AP3D1: variants seen among roughly 807,000 people sequenced by gnomAD.
AP3D1 encodes adaptor related protein complex 3 subunit delta 1.
Under a neutral mutation model 147.6 loss-of-function variants are expected in AP3D1, and 51 were observed. That is an observed-to-expected ratio of 0.35 (90% confidence interval 0.28 to 0.44). AP3D1 has a LOEUF of 0.44. AP3D1 is among the 20% of genes least tolerant of loss of function. The pLI is 1.00. For missense variants in AP3D1, 1,421 were observed against 1,624.2 expected (o/e 0.87, Z 2.15); for synonymous variants, 760 against 663.0 (o/e 1.15, Z -2.25).
In AP3D1 at chr19:2,111,728, G is replaced by A. The variant is rs1430339151; in HGVS notation, c.2888C>T (p.Ala963Val). The change falls in exon 25 of 32, where the codon GCA becomes GTA. Residue 963 changes from alanine to valine, a missense_variant. Physicochemically the swap from Ala to Val is moderately conservative, Grantham distance 64. Around this residue, in one of 6 missense-constraint regions of AP3D1, gnomAD observed 791 missense variants for 761.4 expected, o/e 1.04. Transcript: ENST00000643116. Reference protein sequence around the residue: ...SKKQPPGSEEAAGEPVQNGAP... With the variant: ...SKKQPPGSEEVAGEPVQNGAP... ...GCCATTCTGCACCGGCTCCCCCGCT[G>A]CCTCCTCGCTGCCTGGAGGCTGCTT... 3 of 1,605,984 alleles carry A rather than the reference G, an allele frequency of 1.9e-6. No individual in the cohort carries two copies. The highest frequency in any genetic ancestry group is 2.2e-5 in the East Asian group (1 of 44,508).
At chr19:2,110,310 T>A in intron 27 of AP3D1, 86 bp from the exon 28 acceptor site, 3 of 1,146,248 alleles carry the variant, frequency 2.6e-6, no homozygotes, top group East Asian at 2.4e-5. Flanking sequence ...CAGTCCCAAG[T>A]CCTCTGTGGC....
At chr19:2,127,512 A>C (rs2018790503) in intron 8 of AP3D1, among the ~76,000 whole-genome samples, 2 of 152,002 alleles carry the variant, frequency 1.3e-5, no homozygotes, top group African/African-American at 4.8e-5. Flanking sequence ...TCTTTTCTAG[A>C]GTTTTTTTTG....
At chr19:2,137,327 TC>T (rs970380906) in intron 3 of AP3D1, among the ~76,000 whole-genome samples, 3 of 151,970 alleles carry the variant, frequency 2.0e-5, no homozygotes, top group African/African-American at 7.3e-5. Context: ...TTTTTTTTTT[TC>T]TTGGAGACAA....
chr19:2,148,146 CAAAAAA>C (rs5826756), intron 1 of AP3D1, among the ~76,000 whole-genome samples: 3 of 98,152 alleles, frequency 3.1e-5, no homozygotes, highest in Admixed American at 1.1e-4. Flanking sequence ...GACTCCGTCT[CAAAAAA>C]AAAAAAAAAA....
chr19:2,110,658 C>A, intron 27 of AP3D1, 49 bp downstream of exon 27: 1 of 1,498,376 alleles, frequency 6.7e-7, no homozygotes. Flanking sequence ...CCAGCTGCCA[C>A]TGCGCTCCCA....
At chr19:2,149,212 G>A (rs1383664979) in intron 1 of AP3D1, among the ~76,000 whole-genome samples, 2 of 152,038 alleles carry the variant, frequency 1.3e-5, no homozygotes, top group African/African-American at 4.8e-5. Flanking sequence ...GGGCCAATGA[G>A]GAAGCCTGGG....
chr19:2,104,306 A>ATGC (rs1198027815), intron 31 of AP3D1, among the ~76,000 whole-genome samples: 2 of 136,558 alleles, frequency 1.5e-5, no homozygotes, highest in African/African-American at 2.6e-5. Flanking sequence ...CAAGACACCA[A>ATGC]CACGCAGACC....
chr19:2,160,185 A>T (rs1359269410), intron 1 of AP3D1, among the ~76,000 whole-genome samples: 1 of 152,196 alleles, frequency 6.6e-6, no homozygotes, highest in African/African-American at 2.4e-5. Flanking sequence ...AACCTGTAAC[A>T]GGAACTATGG....
Position 2,101,557 on chromosome 19 carries a change from T to G in AP3D1, c.*616A>C, listed in dbSNP as rs1480485887. The G allele has an allele frequency of 1.3e-5, 2 of 152,416 alleles. No homozygotes were observed. Among genetic ancestry groups the G allele is most frequent in the African/African-American group, 4.8e-5 (2 of 41,456 alleles). The allele number at this position is 152,416 out of a possible 1,614,324, so 9.4% of individuals were successfully genotyped here. On this transcript the variant is annotated 3_prime_UTR_variant, in exon 32 of 32. Transcript: ENST00000643116. ...CCACGGTTCTGACTGCAACCTCTCTTTGGCGTCCCTGGCCCCGCCCTGCCC... is the reference window on the plus strand; with the variant it reads ...CCACGGTTCTGACTGCAACCTCTCTGTGGCGTCCCTGGCCCCGCCCTGCCC...
rs1012954378 is a variant in AP3D1 at position 2,137,621 on chromosome 19, G to A, written c.273+106C>T. On this transcript the variant is annotated intron_variant, in intron 3 of 31. Coordinates refer to ENST00000643116, the MANE Select transcript of AP3D1 (RefSeq NM_001261826.3). ...CACTGAATCCACCTTGGGTAACAGA[G>A]CTAGACTCTGTCTCAAGAATAATAA... 7 of 1,004,222 alleles carry A rather than the reference G, an allele frequency of 7.0e-6. No individual in the cohort carries two copies. The East Asian group carries it at 9.6e-5, about 14-fold the overall frequency. The allele number at this position is 1,004,222 out of a possible 1,614,324, so 62.2% of individuals were successfully genotyped here. A position where few individuals can be genotyped will look rare whatever the true frequency, so the allele number is the denominator to read the frequency against.
At chr19:2,139,059 C>CAAAAA (rs60728832) in intron 1 of AP3D1, among the ~76,000 whole-genome samples, 2 of 61,654 alleles carry the variant, frequency 3.2e-5, no homozygotes, top group African/African-American at 5.8e-5. Flanking sequence ...GACTCCGTCT[C>CAAAAA]AAAAAAAAAA....
chr19:2,135,397 A>C (rs904113209), intron 4 of AP3D1, among the ~76,000 whole-genome samples: 1 of 151,110 alleles, frequency 6.6e-6, no homozygotes, highest in Admixed American at 6.6e-5. Context: ...TTAGCCAGGC[A>C]TGGTGGCGGG....
intron 31 of AP3D1, among the ~76,000 whole-genome samples, chr19:2,107,382 T>A (rs2018141205): frequency 1.3e-5 from 2 of 151,636 alleles, no homozygotes. Context: ...AAACTGGAAA[T>A]CCTCAGTATG....
chr19:2,148,038 G>A (rs1020141696), intron 1 of AP3D1, among the ~76,000 whole-genome samples: 3 of 151,154 alleles, frequency 2.0e-5, no homozygotes, highest in Non-Finnish European at 3.0e-5. Context: ...GGGCGTGGTG[G>A]CGGGAGGCTG....
rs904993479 is a variant in AP3D1, at chr19:2,118,546, G to A, written c.1713+55C>T. ...CCGTCGACCTGGCCGCCACTGGACAGAAAGGCACTGAGGGCTCCCTGAGGC... is the reference window on the plus strand; with the variant it reads ...CCGTCGACCTGGCCGCCACTGGACAAAAAGGCACTGAGGGCTCCCTGAGGC... On this transcript the variant is annotated intron_variant, in intron 15 of 31. Transcript: ENST00000643116. 6 of 1,538,776 alleles carry A rather than the reference G, an allele frequency of 3.9e-6. No homozygotes were observed. In the Admixed American group the frequency reaches 1.0e-4, roughly 27 times the overall value.
intron 17 of AP3D1, 130 bp from the exon 18 acceptor site, chr19:2,116,408 A>G: frequency 8.2e-7 from 1 of 1,217,204 alleles, no homozygotes; most frequent in Non-Finnish European, 1.1e-6. Flanking sequence ...TTTCACTAAC[A>G]GGGAAACCAA....
chr19:2,112,904 C>CCT lies in AP3D1; in HGVS notation c.2741_2742dup (p.Ala915ArgfsTer82). ...TCGGCATCGTCCTCCTCGCCCTGCG[C>CCT]CTCCGTCTTGGCGTCCTCACACTCG... is the stretch of plus-strand genomic sequence containing the variant. On this transcript the variant is annotated frameshift_variant, in exon 24 of 32. Coordinates refer to ENST00000643116, the MANE Select transcript of AP3D1 (RefSeq NM_001261826.3). LOFTEE classifies it high-confidence loss of function. 6.2e-7 allele frequency: 1 copy of CCT among 1,613,370 alleles called. No individual in the cohort carries two copies. Among genetic ancestry groups the CCT allele is most frequent in the Non-Finnish European group, 8.5e-7 (1 of 1,179,730 alleles).
At position 2,116,761 on chromosome 19, in the gene AP3D1, A is replaced by T. The variant is rs78648742; in HGVS notation, c.1860-15T>A. 8.1e-6 allele frequency: 13 copies of T among 1,598,870 alleles called. No individual in the cohort carries two copies. Among genetic ancestry groups the T allele is most frequent in the Middle Eastern group, 1.7e-4 (1 of 5,934 alleles). ...CCAGGTCCAGGCTGCACCGGACAGG[A>T]GGGCCACACAAGGCAGTGTGTGACC... On this transcript the variant is annotated splice_polypyrimidine_tract_variant and intron_variant, in intron 16 of 31. Coordinates refer to ENST00000643116, the MANE Select transcript of AP3D1 (RefSeq NM_001261826.3).
rs1214680946 is a variant in AP3D1 at position 2,116,200 on chromosome 19, G to A, written c.2073+7C>T. Reference sequence around the variant, plus strand: ...CTGAGGGACAGGCACCCGGGGACGGGCCTCACCTTCTGTGGCGATGGCGAG... The same window carrying A: ...CTGAGGGACAGGCACCCGGGGACGGACCTCACCTTCTGTGGCGATGGCGAG... On this transcript the variant is annotated splice_region_variant and intron_variant, in intron 18 of 31. Coordinates refer to ENST00000643116, the MANE Select transcript of AP3D1 (RefSeq NM_001261826.3). 6.2e-7 allele frequency: 1 copy of A among 1,614,070 alleles called. No individual in the cohort carries two copies. The highest frequency in any genetic ancestry group is 1.3e-5 in the African/African-American group (1 of 75,062).
Sources: allele counts gnomAD v4.1 joint callset (sites outside exome capture counted in the v4.1 genomes callset), GRCh38; gene constraint gnomAD v4.1.1; regional missense constraint gnomAD v4.1.1; transcripts MANE v1.5; gene names NCBI Gene and HGNC (gene_info 2026-07-23, HGNC 2026-07-21).